Variants in KCNN2 observed in about 807,000 individuals in gnomAD.
KCNN2 encodes potassium calcium-activated channel subfamily N member 2.
In KCNN2, 24 loss-of-function variants were observed where a neutral mutation model predicts 55.5. That is an observed-to-expected ratio of 0.43 (90% confidence interval 0.31 to 0.61). KCNN2 has a LOEUF of 0.61. Ranked by LOEUF, KCNN2 falls within the 20% of genes least tolerant of loss-of-function variation. The pLI is 0.08. For missense variants in KCNN2, 754 were observed against 853.6 expected (o/e 0.88, Z 1.45); for synonymous variants, 431 against 336.1 (o/e 1.28, Z -3.09).
At chr5:114,198,360 G>T (rs1396941297) in intron 1 of KCNN2, among the ~76,000 whole-genome samples, 1 of 148,602 alleles carries the variant, frequency 6.7e-6, no homozygotes. Flanking sequence ...ATATACATAG[G>T]TGTGTATATA....
intron 1 of KCNN2, among the ~76,000 whole-genome samples, chr5:114,125,586 C>T (rs1304350464): frequency 2.0e-5 from 3 of 152,126 alleles, no homozygotes; most frequent in Admixed American, 6.5e-5. Context: ...AAGATCAAGG[C>T]GTCCACAGGG....
chr5:114,362,207 C>A lies in KCNN2; in HGVS notation c.68C>A (p.Ser23Ter). ...PEQPPPPPRSSHLHCQQQQQS... is the reference protein window; with the variant it reads ...PEQPPPPPRS ...CAGCCGCCGCCGCCGCCGCGCTCCT[C>A]ACACCTGCATTGCCAGCAGCAGCAA... Residue 23 changes from serine (S) to a stop codon, truncating the protein, a stop_gained, in exon 1 of 8, where the codon TCA (serine) becomes TAA (stop). Transcript: ENST00000673685. LOFTEE classifies it high-confidence loss of function. 6.0e-6 allele frequency: 1 copy of A among 165,896 alleles called. No homozygotes were observed. The highest frequency in any genetic ancestry group is 1.5e-4 in the South Asian group (1 of 6,556). The allele number at this position is 165,896 out of a possible 1,614,324, so 10.3% of individuals were successfully genotyped here. A position where few individuals can be genotyped will look rare whatever the true frequency, so the allele number is the denominator to read the frequency against.
intron 1 of KCNN2, among the ~76,000 whole-genome samples, chr5:114,142,884 C>G (rs2086451853): frequency 6.6e-6 from 1 of 152,132 alleles, no homozygotes; most frequent in Non-Finnish European, 1.5e-5. Context: ...TCATATGGAA[C>G]CAAAAAAGAG....
chr5:114,081,570 T>A (rs1353412463), intron 1 of KCNN2, among the ~76,000 whole-genome samples: 2 of 152,174 alleles, frequency 1.3e-5, no homozygotes, highest in Non-Finnish European at 2.9e-5. Context: ...AAGTTGTATA[T>A]CCATATGCAA....
intron 7 of KCNN2, among the ~76,000 whole-genome samples, chr5:114,494,764 G>A (rs1039270799): frequency 1.3e-5 from 2 of 152,110 alleles, no homozygotes; most frequent in Non-Finnish European, 2.9e-5. Context: ...AATGGATGCT[G>A]TTCACATATT....
chr5:114,433,311 G>A (rs1759868717), intron 3 of KCNN2, among the ~76,000 whole-genome samples: 1 of 152,204 alleles, frequency 6.6e-6, no homozygotes, highest in African/African-American at 2.4e-5. Flanking sequence ...AGCTACTCTG[G>A]TGGGGCCTTG....
chr5:114,182,407 C>G (rs1328303541), intron 1 of KCNN2, among the ~76,000 whole-genome samples: 1 of 151,930 alleles, frequency 6.6e-6, no homozygotes, highest in Admixed American at 6.6e-5. Context: ...ATCATGTCTT[C>G]AGTTTCACAA....
intron 2 of KCNN2, among the ~76,000 whole-genome samples, chr5:114,304,532 C>A (rs536048024): frequency 6.6e-6 from 1 of 152,270 alleles, no homozygotes; most frequent in East Asian, 1.9e-4. Flanking sequence ...TTCATCTTGA[C>A]CAGGGCAGAC....
intron 4 of KCNN2, among the ~76,000 whole-genome samples, chr5:114,469,936 AG>A (rs1761644534): frequency 6.6e-6 from 1 of 152,192 alleles, no homozygotes; most frequent in Non-Finnish European, 1.5e-5. Context: ...TTGAACAAAA[AG>A]GTTTCTAAGT....
chr5:114,184,891 T>C (rs1425617215), intron 1 of KCNN2, among the ~76,000 whole-genome samples: 1 of 152,224 alleles, frequency 6.6e-6, no homozygotes, highest in East Asian at 1.9e-4. Flanking sequence ...TTATTCTGTT[T>C]TTGTAACATG....
Position 114,463,115 on chromosome 5 carries a change from T to C in KCNN2, c.1704T>C (p.Phe568=), listed in dbSNP as rs759236504. Residue 568 remains phenylalanine, a synonymous_variant, in exon 4 of 8, where the codon TTT becomes TTC. Coordinates refer to ENST00000673685, the MANE Select transcript of KCNN2 (RefSeq NM_021614.4). ...LGAMWLISIT[F]LSIGYGDMVP... The stretch of plus-strand genomic sequence containing the variant: ...CGATGTGGTTGATATCAATAACTTT[T>C]CTCTCCATTGGTTATGGTGACATGG... 1 of 1,613,788 alleles carries C rather than the reference T, an allele frequency of 6.2e-7. No homozygotes were observed. The highest frequency in any genetic ancestry group is 8.5e-7 in the Non-Finnish European group (1 of 1,179,716).
intron 2 of KCNN2, among the ~76,000 whole-genome samples, chr5:114,274,680 G>C (rs1226473547): frequency 6.6e-6 from 1 of 152,168 alleles, no homozygotes; most frequent in Non-Finnish European, 1.5e-5. Context: ...TTTGCACATT[G>C]ATTTTGTATC....
chr5:114,411,406 T>C (rs1055074468), intron 3 of KCNN2, among the ~76,000 whole-genome samples: 1 of 152,078 alleles, frequency 6.6e-6, no homozygotes, highest in Non-Finnish European at 1.5e-5. Context: ...TTATGGAGAC[T>C]GAGAAGTCCC....
chr5:114,451,549 A>C (rs1176181707), intron 3 of KCNN2, among the ~76,000 whole-genome samples: 1 of 152,184 alleles, frequency 6.6e-6, no homozygotes, highest in East Asian at 1.9e-4. Flanking sequence ...AAAGAAAATC[A>C]AGGTGAAAAT....
chr5:114,486,576 G>A, intron 5 of KCNN2: 3 of 368,592 alleles, frequency 8.1e-6, no homozygotes, highest in South Asian at 6.7e-5. Flanking sequence ...TATCAGTGCT[G>A]GATGTACTTA....
intron 2 of KCNN2, among the ~76,000 whole-genome samples, chr5:114,234,393 C>G (rs1198496702): frequency 2.0e-5 from 3 of 152,152 alleles, no homozygotes; most frequent in Non-Finnish European, 4.4e-5. Flanking sequence ...CAGACATGCA[C>G]AGTTTCCTTT....
chr5:114,146,664 T>C (rs1426935114), intron 1 of KCNN2, among the ~76,000 whole-genome samples: 1 of 152,174 alleles, frequency 6.6e-6, no homozygotes, highest in African/African-American at 2.4e-5. Flanking sequence ...AACTCCAGTG[T>C]TGAGACAATC....
chr5:114,480,730 G>A (rs1401079412), intron 5 of KCNN2, among the ~76,000 whole-genome samples: 1 of 152,128 alleles, frequency 6.6e-6, no homozygotes, highest in African/African-American at 2.4e-5. Context: ...ATCAATAAAT[G>A]TGATTCATCA....
chr5:114,370,753 A>C (rs866748360), intron 2 of KCNN2, among the ~76,000 whole-genome samples: 6 of 152,060 alleles, frequency 3.9e-5, no homozygotes, highest in South Asian at 2.1e-4. Flanking sequence ...ACCAAACAGA[A>C]TGGGAGGGGA....
Sources: gnomAD v4.1 joint callset for allele counts (sites outside exome capture counted in the v4.1 genomes callset) on GRCh38, gnomAD v4.1.1 for gene constraint, MANE v1.5 for transcripts, NCBI Gene and HGNC (gene_info 2026-07-23, HGNC 2026-07-21) for gene names.